Variants in SUPT20H observed in about 807,000 individuals in gnomAD.
SUPT20H encodes the protein SPT20 homolog, SAGA complex component, also known as transcription factor SPT20 homolog.
In SUPT20H, 82 loss-of-function variants were observed where a neutral mutation model predicts 122.8. The ratio of observed to expected loss-of-function variants is 0.67; its 90% CI spans 0.56 to 0.80. The LOEUF is 0.80. Among genes scored for constraint, SUPT20H ranks in the 30% least tolerant of loss-of-function variants. SUPT20H has a pLI of 0.00. For missense variants in SUPT20H, 831 were observed against 921.6 expected (o/e 0.90, Z 1.27); for synonymous variants, 291 against 313.0 (o/e 0.93, Z 0.74).
At chr13:37,055,049 A>C (rs369286646) in intron 1 of SUPT20H, among the ~76,000 whole-genome samples, 16 of 152,110 alleles carry the variant, frequency 1.1e-4, no homozygotes, top group East Asian at 3.9e-4. Context: ...ACCTAGGAAT[A>C]CAACTTACAA....
intron 13 of SUPT20H, among the ~76,000 whole-genome samples, chr13:37,029,530 A>T (rs2062927634): frequency 6.6e-6 from 1 of 152,100 alleles, no homozygotes; most frequent in Admixed American, 6.5e-5. Flanking sequence ...CATCTCAAAA[A>T]ATTAAAATAA....
At chr13:37,035,858 T>C (rs1184066772) in intron 9 of SUPT20H, among the ~76,000 whole-genome samples, 1 of 152,212 alleles carries the variant, frequency 6.6e-6, no homozygotes, top group South Asian at 2.1e-4. Context: ...TAGACTCTAT[T>C]CTTGGCTGTG....
Position 37,010,641 on chromosome 13 carries a change from C to T in SUPT20H, c.2113G>A (p.Gly705Ser). ...TGCTCAGGTCTGTTCTCGGCAGAGC[C>T]AAGCTGAGACAACACTACAGAGAGG... ...QSQAAVLSQLGSAENRPEQSL... is the reference protein window; with the variant it reads ...QSQAAVLSQLSSAENRPEQSL... Residue 705 changes from glycine (G) to serine (S), a missense_variant, in exon 25 of 26, where the codon GGC (glycine) becomes AGC (serine). Physicochemically the swap from Gly to Ser is moderately conservative, Grantham distance 56. Coordinates refer to ENST00000350612, the MANE Select transcript of SUPT20H (RefSeq NM_001014286.3). 6.2e-7 allele frequency: 1 copy of T among 1,613,454 alleles called. No individual in the cohort carries two copies.
rs2059224527 is a variant in SUPT20H, at chr13:37,009,579, C to A, written c.*93G>T. 7.0e-6 allele frequency: 10 copies of A among 1,422,696 alleles called. No individual in the cohort carries two copies. The highest frequency in any genetic ancestry group is 9.9e-6 in the Non-Finnish European group (10 of 1,008,546). The allele number at this position is 1,422,696 out of a possible 1,614,324, so 88.1% of individuals were successfully genotyped here. A position where few individuals can be genotyped will look rare whatever the true frequency, so the allele number is the denominator to read the frequency against. ...TTTGTACATCTAGCAATGTAAAATACTGACACATTAAAAAAAACAAAAAGT... is the reference window on the plus strand; with the variant it reads ...TTTGTACATCTAGCAATGTAAAATAATGACACATTAAAAAAAACAAAAAGT... On this transcript the variant is annotated 3_prime_UTR_variant, in exon 26 of 26. Coordinates refer to ENST00000350612, the MANE Select transcript of SUPT20H (RefSeq NM_001014286.3).
intron 7 of SUPT20H, among the ~76,000 whole-genome samples, chr13:37,040,935 T>C (rs953400106): frequency 1.3e-5 from 2 of 152,194 alleles, no homozygotes; most frequent in Admixed American, 6.5e-5. Context: ...TAATTATAGA[T>C]TGACTTTGGC....
At chr13:37,057,322 A>G (rs1176860015) in intron 1 of SUPT20H, among the ~76,000 whole-genome samples, 1 of 151,922 alleles carries the variant, frequency 6.6e-6, no homozygotes. Context: ...AAATAAAAAT[A>G]AATAGAAAAC....
chr13:37,030,064 T>C (rs998622051), intron 12 of SUPT20H, among the ~76,000 whole-genome samples: 5 of 152,226 alleles, frequency 3.3e-5, no homozygotes, highest in African/African-American at 4.8e-5. Context: ...AAATAAGTGT[T>C]AATAAACACA....
At chr13:37,018,869 G>A (rs927904121) in intron 22 of SUPT20H, among the ~76,000 whole-genome samples, 27 of 151,996 alleles carry the variant, frequency 1.8e-4, no homozygotes, top group African/African-American at 1.5e-4. Flanking sequence ...GGCTGGTCTC[G>A]AACTCCTGAG....
chr13:37,038,719 A>C (rs2138504614), intron 9 of SUPT20H: 1 of 152,362 alleles, frequency 6.6e-6, no homozygotes, highest in Admixed American at 6.5e-5. Flanking sequence ...ATGAAAAATG[A>C]GTATTAAGAA....
chr13:37,021,299 T>C, intron 21 of SUPT20H, 149 bp downstream of exon 21: 4 of 888,802 alleles, frequency 4.5e-6, no homozygotes, highest in Non-Finnish European at 6.1e-6. Flanking sequence ...ATGCCAGAAC[T>C]TTTAAAGGCT....
chr13:37,016,229 GAC>G (rs2060460222), intron 23 of SUPT20H, among the ~76,000 whole-genome samples: 1 of 151,922 alleles, frequency 6.6e-6, no homozygotes, highest in South Asian at 2.1e-4. Context: ...AGGAGATCAA[GAC>G]TATCCTAACA....
intron 1 of SUPT20H, among the ~76,000 whole-genome samples, chr13:37,055,928 A>G (rs1044988360): frequency 3.3e-5 from 5 of 152,228 alleles, no homozygotes; most frequent in African/African-American, 1.2e-4. Context: ...CAAGGAAAAA[A>G]CAAACAACCC....
chr13:37,049,612 G>A (rs368763120), intron 2 of SUPT20H, among the ~76,000 whole-genome samples: 3 of 152,012 alleles, frequency 2.0e-5, no homozygotes, highest in Middle Eastern at 3.2e-3. Flanking sequence ...GGTAGCACGC[G>A]CCTGTAGTCC....
At chr13:37,014,169 TAAA>T (rs1170840096) in intron 23 of SUPT20H, among the ~76,000 whole-genome samples, 1 of 151,968 alleles carries the variant, frequency 6.6e-6, no homozygotes, top group East Asian at 1.9e-4. Flanking sequence ...TTACCAGAGA[TAAA>T]GAAGGTCATT....
intron 8 of SUPT20H, 54 bp downstream of exon 8, chr13:37,040,518 GATAA>G: frequency 6.3e-7 from 1 of 1,587,046 alleles, no homozygotes; most frequent in Non-Finnish European, 8.6e-7. Context: ...TGAAGAATTC[GATAA>G]ATAAAACTCC....
In SUPT20H at chr13:37,031,786, T is replaced by C. The variant is rs763854027; in HGVS notation, c.817A>G (p.Arg273Gly). The C allele has an allele frequency of 2.2e-5, 36 of 1,609,888 alleles. No homozygotes were observed. The highest frequency in any genetic ancestry group is 3.1e-5 in the Non-Finnish European group (36 of 1,178,664). The change falls in exon 11 of 26, where the codon AGA becomes GGA. Residue 273 changes from arginine to glycine, a missense_variant. Coordinates refer to ENST00000350612, the MANE Select transcript of SUPT20H (RefSeq NM_001014286.3). ...AGGTCATAATGCTGACCTGCTTTTC[T>C]TTCCTTTCTTTTTTGTAAGAAATCA... is the stretch of plus-strand genomic sequence containing the variant. ...LLDFLQKRKE[R>G]KAGQHYDLKI...
At chr13:37,054,340 C>G (rs956126807) in intron 1 of SUPT20H, among the ~76,000 whole-genome samples, 4 of 152,140 alleles carry the variant, frequency 2.6e-5, no homozygotes, top group Non-Finnish European at 5.9e-5. Flanking sequence ...GACCAATATC[C>G]CTGATGAACA....
Position 37,021,505 on chromosome 13 carries a change from A to G in SUPT20H, c.1759T>C (p.Ser587Pro), listed in dbSNP as rs766121706. The change falls in exon 21 of 26, where the codon TCA (serine) becomes CCA (proline). Residue 587 changes from serine (S) to proline (P), a missense_variant. Physicochemically the swap from Ser to Pro is moderately conservative, Grantham distance 74 (BLOSUM62 -1). Transcript: ENST00000350612. Reference protein sequence around the residue: ...AGINLSGLLPSGGLLPNALPS... With the variant: ...AGINLSGLLPPGGLLPNALPS... ...AGTGCATTTGGTAGCAGACCTCCTGAGGGTAGAAGGCCGCTCAGGTTTATT... is the reference window on the plus strand; with the variant it reads ...AGTGCATTTGGTAGCAGACCTCCTGGGGGTAGAAGGCCGCTCAGGTTTATT... The G allele has an allele frequency of 4.6e-5, 74 of 1,613,768 alleles. No homozygotes were observed. The highest frequency in any genetic ancestry group is 6.1e-5 in the Non-Finnish European group (72 of 1,179,938).
intron 1 of SUPT20H, among the ~76,000 whole-genome samples, chr13:37,058,515 G>C (rs999660445): frequency 6.6e-6 from 1 of 152,092 alleles, no homozygotes; most frequent in Non-Finnish European, 1.5e-5. Context: ...ATTGGGGATG[G>C]GGGCTTACTA....
Sources: allele counts gnomAD v4.1 joint callset (sites outside exome capture counted in the v4.1 genomes callset), GRCh38; gene constraint gnomAD v4.1.1; transcripts MANE v1.5; gene names NCBI Gene and HGNC (gene_info 2026-07-23, HGNC 2026-07-21).